The following FDFT1 variants were observed in gnomAD, a reference collection of about 807,000 sequenced individuals.
The protein encoded by FDFT1 is squalene synthase.
In FDFT1, 68 loss-of-function variants were observed where a neutral mutation model predicts 46.8. That is an observed-to-expected ratio of 1.45 (90% confidence interval 1.19 to 1.78). The LOEUF is 1.78. Among genes scored for constraint, FDFT1 ranks in the 40% most tolerant of loss-of-function variants. The pLI, the probability that FDFT1 is intolerant of heterozygous loss-of-function variation, is 0.00. For missense variants in FDFT1, 928 were observed against 524.4 expected (o/e 1.77, Z -7.52); for synonymous variants, 351 against 185.1 (o/e 1.90, Z -7.28).
intron 1 of FDFT1, chr8:11,808,394 G>C: frequency 8.1e-7 from 1 of 1,235,576 alleles, no homozygotes; most frequent in Non-Finnish European, 1.0e-6. Flanking sequence ...CTGCGGGGCG[G>C]GCCCGTTGTG....
rs762089750 is a variant in FDFT1 at position 11,821,742 on chromosome 8, C to T, written c.382-8C>T. 13 of 1,612,424 alleles carry T rather than the reference C, an allele frequency of 8.1e-6. No homozygotes were observed. The highest frequency in any genetic ancestry group is 5.5e-5 in the South Asian group (5 of 90,976). ...ATGATTTCTGTGTTTTTACGGTTTCCATTTCAGATCTCCCTTGAGTTTAGA... is the reference window on the plus strand; with the variant it reads ...ATGATTTCTGTGTTTTTACGGTTTCTATTTCAGATCTCCCTTGAGTTTAGA... On this transcript the variant is annotated splice_region_variant and splice_polypyrimidine_tract_variant and intron_variant, in intron 3 of 7. Transcript: ENST00000220584.
chr8:11,833,514 C>A (rs762088863), intron 7 of FDFT1, among the ~76,000 whole-genome samples: 2 of 152,206 alleles, frequency 1.3e-5, no homozygotes, highest in Admixed American at 1.3e-4. Context: ...AGTTTTTAAA[C>A]ACTTTGTGGC....
intron 1 of FDFT1, chr8:11,808,292 G>T (rs1271453347): frequency 8.2e-6 from 10 of 1,224,830 alleles, no homozygotes; most frequent in Non-Finnish European, 1.0e-5. Context: ...AGTGCGCTGG[G>T]TTCCCTTAGC....
intron 6 of FDFT1, 140 bp from the exon 7 acceptor site, chr8:11,831,378 A>T (rs142720289): frequency 1.5e-6 from 1 of 675,234 alleles, no homozygotes; most frequent in Admixed American, 2.9e-5. Flanking sequence ...CTTCGTGGGT[A>T]TTTTTTCTTG....
intron 7 of FDFT1, among the ~76,000 whole-genome samples, chr8:11,832,074 G>GT (rs1357738509): frequency 6.6e-6 from 1 of 152,124 alleles, no homozygotes; most frequent in Non-Finnish European, 1.5e-5. Flanking sequence ...ACCCAGTCTG[G>GT]TACTTTCATT....
intron 1 of FDFT1, chr8:11,803,230 T>C: frequency 7.2e-7 from 1 of 1,392,590 alleles, no homozygotes; most frequent in South Asian, 1.2e-5. Flanking sequence ...TTACCGGTAT[T>C]TTAACCCGAG....
In FDFT1 at chr8:11,830,324, A is replaced by G; in HGVS notation, c.783A>G (p.Glu261=). 2 of 1,613,426 alleles carry G rather than the reference A, an allele frequency of 1.2e-6. No individual in the cohort carries two copies. Among genetic ancestry groups the G allele is most frequent in the Non-Finnish European group, 1.7e-6 (2 of 1,179,404 alleles). Residue 261 remains glutamate (E), a synonymous_variant, in exon 6 of 8, where the codon GAA becomes GAG. Coordinates refer to ENST00000220584, the MANE Select transcript of FDFT1 (RefSeq NM_004462.5). ...ACTTGGCCGTGCAGTGCCTGAATGA[A>G]CTTATAACCAATGCACTGCACCACA... The part of the protein sequence containing the change: ...NIDLAVQCLN[E]LITNALHHIP...
At position 11,809,795 on chromosome 8, in the gene FDFT1, G is replaced by C. The variant is rs769598382; in HGVS notation, c.326G>C (p.Trp109Ser). ...CACTCTTTCCTTTACCAACCAGACT[G>C]GCGGTTCATGGAGAGCAAGGAGAAG... Reference protein sequence around the residue: ...NFHSFLYQPDWRFMESKEKDR... With the variant: ...NFHSFLYQPDSRFMESKEKDR... Residue 109 changes from tryptophan (W) to serine (S), a missense_variant, in exon 3 of 8, where the codon TGG (tryptophan) becomes TCG (serine). Transcript: ENST00000220584. 1.1e-5 allele frequency: 18 copies of C among 1,614,170 alleles called. No individual in the cohort carries two copies. Among genetic ancestry groups the C allele is most frequent in the Non-Finnish European group, 1.4e-5 (17 of 1,180,022 alleles).
intron 6 of FDFT1, among the ~76,000 whole-genome samples, chr8:11,831,041 A>C (rs999881765): frequency 1.3e-5 from 2 of 152,218 alleles, no homozygotes; most frequent in African/African-American, 4.8e-5. Context: ...ACCTAGAAAT[A>C]CTTTACCTTT....
rs1324225213 is a variant in FDFT1, at chr8:11,839,212, G to C, written c.*603G>C. ...TTTAGCTTTCAGAGAGAAACAGCAG[G>C]ATTGCTTTTGACCTTTTAGAAGATT... On this transcript the variant is annotated 3_prime_UTR_variant, in exon 8 of 8. Coordinates refer to ENST00000220584, the MANE Select transcript of FDFT1 (RefSeq NM_004462.5). 6.5e-6 allele frequency: 1 copy of C among 152,990 alleles called. No individual in the cohort carries two copies. The highest frequency in any genetic ancestry group is 6.5e-5 in the Admixed American group (1 of 15,382). The allele number at this position is 152,990 out of a possible 1,614,324, so 9.5% of individuals were successfully genotyped here.
chr8:11,827,518 GAAA>G (rs34268467), intron 5 of FDFT1, among the ~76,000 whole-genome samples: 7 of 136,324 alleles, frequency 5.1e-5, no homozygotes, highest in African/African-American at 1.6e-4. Flanking sequence ...ACTGTCTCAA[GAAA>G]AAAAAAAAGT....
intron 4 of FDFT1, 128 bp from the exon 5 acceptor site, chr8:11,825,896 A>G (rs566724100): frequency 5.8e-6 from 3 of 517,728 alleles, no homozygotes; most frequent in East Asian, 6.3e-5. Flanking sequence ...GTATATTTGT[A>G]TTTTAAAATC....
At chr8:11,824,858 T>C (rs776932531) in intron 4 of FDFT1, among the ~76,000 whole-genome samples, 1 of 152,086 alleles carries the variant, frequency 6.6e-6, no homozygotes, top group Non-Finnish European at 1.5e-5. Context: ...GCCTTAGCCT[T>C]CTGAGTAGCT....
At chr8:11,804,961 T>A (rs780820135) in intron 1 of FDFT1, among the ~76,000 whole-genome samples, 153 of 133,178 alleles carry the variant, frequency 1.1e-3, no homozygotes, top group Non-Finnish European at 4.8e-4. Context: ...CAGGCTAGAA[T>A]GCTGTGGCCT....
intron 3 of FDFT1, among the ~76,000 whole-genome samples, chr8:11,819,772 C>A (rs1226167542): frequency 6.6e-6 from 1 of 152,036 alleles, no homozygotes; most frequent in Non-Finnish European, 1.5e-5. Context: ...TTTTAAGTTT[C>A]CTTGCGATCG....
In FDFT1 at chr8:11,803,369, G is replaced by C. The variant is rs937410464; in HGVS notation, c.99+438G>C. The stretch of plus-strand genomic sequence containing the variant: ...TCTGGAATGAAGTCTGACTCCTCCA[G>C]TTTCACCACCTCTTCCGGAGCTCTC... On this transcript the variant is annotated intron_variant, in intron 1 of 7. Transcript: ENST00000220584. 5.4e-6 allele frequency: 7 copies of C among 1,290,038 alleles called. No individual in the cohort carries two copies. The South Asian group carries it at 7.4e-5, about 14-fold the overall frequency. 79.9% of individuals were successfully genotyped at this position (1,290,038 alleles called of 1,614,324 possible).
chr8:11,821,717 A>C, intron 3 of FDFT1, 33 bp from the exon 4 acceptor site: 2 of 1,609,784 alleles, frequency 1.2e-6, no homozygotes, highest in Non-Finnish European at 1.7e-6. Flanking sequence ...TACATATTTC[A>C]TGATTTCTGT....
At chr8:11,819,689 C>T (rs1252641996) in intron 3 of FDFT1, among the ~76,000 whole-genome samples, 1 of 152,002 alleles carries the variant, frequency 6.6e-6, no homozygotes, top group African/African-American at 2.4e-5. Flanking sequence ...TGGTTTTCAG[C>T]TCCATCAGGT....
At chr8:11,808,052 G>A (rs1348735573) in intron 1 of FDFT1, 1 of 159,170 alleles carries the variant, frequency 6.3e-6, no homozygotes, top group South Asian at 2.0e-4. Context: ...ATCACCTGAG[G>A]GATGGAGGGG....
Sources: allele counts gnomAD v4.1 joint callset (sites outside exome capture counted in the v4.1 genomes callset), GRCh38; gene constraint gnomAD v4.1.1; transcripts MANE v1.5; gene names NCBI Gene and HGNC (gene_info 2026-07-23, HGNC 2026-07-21).